Variants in SH3PXD2A observed in about 807,000 individuals in gnomAD.
SH3PXD2A encodes SH3 and PX domain-containing protein 2A.
In SH3PXD2A, 32 loss-of-function variants were observed where a neutral mutation model predicts 115.2. The observed-to-expected ratio is 0.28, with a 90% confidence interval of 0.21 to 0.37. The LOEUF (loss-of-function observed/expected upper bound fraction) is 0.37, where lower values mean the gene tolerates loss of function less well. SH3PXD2A is among the 10% of genes least tolerant of loss of function. The pLI, the probability that SH3PXD2A is intolerant of heterozygous loss-of-function variation, is 1.00. For missense variants in SH3PXD2A, 1,328 were observed against 1,498.7 expected (o/e 0.89, Z 1.88); for synonymous variants, 610 against 629.1 (o/e 0.97, Z 0.45).
chr10:103,849,866 C>T (rs1842881143), intron 1 of SH3PXD2A, among the ~76,000 whole-genome samples: 1 of 152,208 alleles, frequency 6.6e-6, no homozygotes, highest in African/African-American at 2.4e-5. Context: ...TCTACTATCC[C>T]TTTCCTGGAT....
At chr10:103,851,296 C>T (rs1842894599) in intron 1 of SH3PXD2A, among the ~76,000 whole-genome samples, 2 of 152,122 alleles carry the variant, frequency 1.3e-5, no homozygotes, top group African/African-American at 2.4e-5. Flanking sequence ...TAATTTATTA[C>T]CCTAAGCATT....
intron 2 of SH3PXD2A, among the ~76,000 whole-genome samples, chr10:103,781,380 T>C (rs2038930254): frequency 6.6e-6 from 1 of 152,206 alleles, no homozygotes; most frequent in Non-Finnish European, 1.5e-5. Context: ...GCTGGCTAGA[T>C]GCAAAACTCC....
At chr10:103,765,518 C>A (rs1220308390) in intron 3 of SH3PXD2A, among the ~76,000 whole-genome samples, 2 of 152,226 alleles carry the variant, frequency 1.3e-5, no homozygotes, top group Non-Finnish European at 2.9e-5. Flanking sequence ...CACCCAGCCC[C>A]ATCAGCTCTG....
intron 9 of SH3PXD2A, 47 bp from the exon 10 acceptor site, chr10:103,622,600 GGA>G: frequency 8.2e-7 from 1 of 1,222,512 alleles, no homozygotes; most frequent in South Asian, 1.3e-5. Flanking sequence ...AGCAACCGGC[GGA>G]GAGAATGGAG....
intron 10 of SH3PXD2A, 138 bp from the exon 11 acceptor site, chr10:103,617,452 A>AG: frequency 1.6e-6 from 1 of 641,296 alleles, no homozygotes; most frequent in South Asian, 1.8e-5. Flanking sequence ...TGGCTTCTCC[A>AG]GGGGAGGGAA....
At chr10:103,636,411 GA>G (rs555359998) in intron 8 of SH3PXD2A, among the ~76,000 whole-genome samples, 23,277 of 91,120 alleles carry the variant, frequency 0.26, 2,339 homozygotes, top group African/African-American at 0.36. Flanking sequence ...TCCATCTTAA[GA>G]AAAAAAAAAA....
chr10:103,707,013 C>T (rs955725069), intron 5 of SH3PXD2A, among the ~76,000 whole-genome samples: 19 of 152,278 alleles, frequency 1.2e-4, no homozygotes, highest in African/African-American at 4.6e-4. Flanking sequence ...AGCCTGGATG[C>T]TCTTGCTAAT....
In SH3PXD2A at chr10:103,719,156, C is replaced by G. The variant is rs757033169; in HGVS notation, c.398+5114G>C. Among the ~76,000 whole-genome samples, 66 of 152,346 alleles carry G rather than the reference C, an allele frequency of 4.3e-4. 1 individual carries two copies. In the Middle Eastern group the frequency reaches 0.01, roughly 24 times the overall value. On this transcript the variant is annotated intron_variant, in intron 5 of 14. Coordinates refer to ENST00000369774, the MANE Select transcript of SH3PXD2A (RefSeq NM_001394015.1). ...CCCAGGCTATGGTACTCTGTTCCAG[C>G]AGCCTGAACAGACTGACACACACCA...
At chr10:103,853,941 C>T (rs1446647020) in intron 1 of SH3PXD2A, among the ~76,000 whole-genome samples, 1 of 152,178 alleles carries the variant, frequency 6.6e-6, no homozygotes, top group Non-Finnish European at 1.5e-5. Context: ...CCAGATGACA[C>T]AAAAGAAACA....
intron 13 of SH3PXD2A, among the ~76,000 whole-genome samples, chr10:103,606,993 T>G (rs370093551): frequency 7.5e-6 from 1 of 133,342 alleles, no homozygotes; most frequent in Non-Finnish European, 1.6e-5. Context: ...GCCTGGCTGC[T>G]CAGTCTGGAA....
At chr10:103,675,350 G>A (rs560201112) in intron 6 of SH3PXD2A, among the ~76,000 whole-genome samples, 25 of 152,312 alleles carry the variant, frequency 1.6e-4, no homozygotes, top group African/African-American at 6.0e-4. Context: ...AAGACCTGAG[G>A]GTTTGGGGCC....
intron 1 of SH3PXD2A, among the ~76,000 whole-genome samples, chr10:103,832,230 A>G (rs1370732328): frequency 6.6e-6 from 1 of 152,138 alleles, no homozygotes; most frequent in Non-Finnish European, 1.5e-5. Context: ...AACCTATCCC[A>G]TTCTGACTGA....
chr10:103,828,427 C>CT (rs2039452203), intron 1 of SH3PXD2A, among the ~76,000 whole-genome samples: 1 of 152,184 alleles, frequency 6.6e-6, no homozygotes, highest in African/African-American at 2.4e-5. Context: ...AAGCATCACC[C>CT]TCCCTGGGGG....
intron 3 of SH3PXD2A, among the ~76,000 whole-genome samples, chr10:103,750,254 T>C (rs192854504): frequency 6.6e-6 from 1 of 152,296 alleles, no homozygotes; most frequent in African/African-American, 2.4e-5. Flanking sequence ...GGGGTCTCTA[T>C]GTTGCCCAGG....
chr10:103,815,672 C>T (rs148933553), intron 1 of SH3PXD2A, among the ~76,000 whole-genome samples: 1,681 of 151,654 alleles, frequency 0.011, 33 homozygotes, highest in African/African-American at 0.039. Flanking sequence ...AGGCGGATCA[C>T]GGAGTCAGGA....
chr10:103,713,058 C>T (rs545373577), intron 5 of SH3PXD2A, among the ~76,000 whole-genome samples: 3 of 152,304 alleles, frequency 2.0e-5, no homozygotes, highest in Admixed American at 6.5e-5. Flanking sequence ...ATCAGCCAGA[C>T]GCTGGGAGCT....
intron 5 of SH3PXD2A, among the ~76,000 whole-genome samples, chr10:103,719,335 T>G (rs895440713): frequency 4.6e-5 from 7 of 152,240 alleles, no homozygotes; most frequent in Admixed American, 3.9e-4. Flanking sequence ...ACCGTAGGTC[T>G]GGGGCCAGCC....
chr10:103,699,506 C>T (rs1028334560), intron 5 of SH3PXD2A, among the ~76,000 whole-genome samples: 1 of 152,188 alleles, frequency 6.6e-6, no homozygotes, highest in Non-Finnish European at 1.5e-5. Context: ...TCTGTGAAAC[C>T]TCCATAGTGA....
At chr10:103,740,915 C>G (rs1480413556) in intron 3 of SH3PXD2A, among the ~76,000 whole-genome samples, 1 of 152,160 alleles carries the variant, frequency 6.6e-6, no homozygotes, top group African/African-American at 2.4e-5. Context: ...CAGCAGTGAA[C>G]CAGACAGATG....
Sources: gnomAD v4.1 joint callset for allele counts (sites outside exome capture counted in the v4.1 genomes callset) on GRCh38, gnomAD v4.1.1 for gene constraint, MANE v1.5 for transcripts, NCBI Gene and HGNC (gene_info 2026-07-23, HGNC 2026-07-21) for gene names.